CCDC192: variants seen among roughly 807,000 people sequenced by gnomAD.
The protein encoded by CCDC192 is coiled-coil domain-containing protein 192.
chr5:127,914,339 A>C (rs1753457579), intron 6 of CCDC192, among the ~76,000 whole-genome samples: 1 of 152,174 alleles, frequency 6.6e-6, no homozygotes, highest in Non-Finnish European at 1.5e-5. Flanking sequence ...AATATGTTTC[A>C]GAATGTGGAC....
rs1366355554 is a variant in CCDC192, at chr5:127,754,292, A to G, written c.139A>G (p.Met47Val). ...VSKASLDTGQ[M>V]AFTLAQLESL... ...GAAAGCGTCCCTGGATACTGGACAG[A>G]TGGCGTTTACCTTGGCCCAACTTGA... The change falls in exon 3 of 7, where the codon ATG becomes GTG. Residue 47 changes from methionine to valine, a missense_variant. Transcript: ENST00000514853. 2.5e-6 allele frequency: 1 copy of G among 398,628 alleles called. No individual in the cohort carries two copies. The highest frequency in any genetic ancestry group is 4.4e-6 in the Non-Finnish European group (1 of 225,980). The allele number at this position is 398,628 out of a possible 1,614,324, so 24.7% of individuals were successfully genotyped here.
chr5:127,852,024 A>G (rs1384946995), intron 5 of CCDC192, among the ~76,000 whole-genome samples: 1 of 152,238 alleles, frequency 6.6e-6, no homozygotes, highest in Non-Finnish European at 1.5e-5. Flanking sequence ...AAAATTTAAC[A>G]GTTAAAATTA....
chr5:127,838,184 C>T (rs1750118940), intron 5 of CCDC192, among the ~76,000 whole-genome samples: 1 of 152,170 alleles, frequency 6.6e-6, no homozygotes, highest in African/African-American at 2.4e-5. Context: ...CACTTTGTAG[C>T]CTCTGGGAAA....
intron 2 of CCDC192, among the ~76,000 whole-genome samples, chr5:127,735,552 A>G (rs1486986850): frequency 3.9e-5 from 3 of 76,634 alleles, no homozygotes; most frequent in South Asian, 9.4e-4. Context: ...GATTCTTCCT[A>G]CCCATGAGCA....
chr5:127,853,044 C>G (rs1750870090), intron 5 of CCDC192, among the ~76,000 whole-genome samples: 2 of 152,094 alleles, frequency 1.3e-5, no homozygotes, highest in Admixed American at 6.5e-5. Flanking sequence ...GAGCTGAGAT[C>G]GTGCCACTGC....
rs1733881840 is a variant in CCDC192, at chr5:127,721,241, TAG to T, written c.114+13483_114+13484del. Among the ~76,000 whole-genome samples the T allele has an allele frequency of 2.6e-5, 4 of 152,342 alleles. No homozygotes were observed. The South Asian group carries it at 8.3e-4, about 32-fold the overall frequency. ...GCTCATGCATATGACCATATGCTGT[TAG>T]AACCAGCCAGCGCATATCTTGAATG... is the stretch of plus-strand genomic sequence containing the variant. On this transcript the variant is annotated intron_variant, in intron 2 of 6. Coordinates refer to ENST00000514853, the MANE Select transcript of CCDC192 (RefSeq NM_001317938.2).
intron 6 of CCDC192, among the ~76,000 whole-genome samples, chr5:127,923,889 G>T (rs556920863): frequency 6.6e-5 from 10 of 152,318 alleles, no homozygotes; most frequent in African/African-American, 1.9e-4. Context: ...CAACCACCTT[G>T]CAGATAGAAA....
intron 6 of CCDC192, among the ~76,000 whole-genome samples, chr5:127,890,386 A>T (rs1752699182): frequency 6.7e-6 from 1 of 149,804 alleles, no homozygotes; most frequent in African/African-American, 2.5e-5. Context: ...AAAACCTAAG[A>T]TTGGTGTTTT....
At chr5:127,708,398 A>G (rs1357107965) in intron 2 of CCDC192, among the ~76,000 whole-genome samples, 1 of 152,176 alleles carries the variant, frequency 6.6e-6, no homozygotes, top group Non-Finnish European at 1.5e-5. Context: ...CATTATACCA[A>G]TTCTCTACTT....
At chr5:127,887,966 G>T (rs915413617) in intron 6 of CCDC192, among the ~76,000 whole-genome samples, 1 of 151,848 alleles carries the variant, frequency 6.6e-6, no homozygotes, top group Non-Finnish European at 1.5e-5. Flanking sequence ...GCCTCCCAAA[G>T]TGCTGGGATT....
Position 127,750,255 on chromosome 5 carries a change from C to A in CCDC192, c.115-4013C>A, listed in dbSNP as rs1339135781. On this transcript the variant is annotated intron_variant, in intron 2 of 6. Coordinates refer to ENST00000514853, the MANE Select transcript of CCDC192 (RefSeq NM_001317938.2). ...TGCTTTCTCTTGTGGGCATTTAGTG[C>A]TATAAATTTCCCTCTACACACTGCT... 2.6e-5 allele frequency among the ~76,000 whole-genome samples: 4 copies of A among 152,116 alleles called. No homozygotes were observed. The East Asian group carries it at 7.7e-4, about 29-fold the overall frequency.
chr5:127,850,468 C>T (rs1750744486), intron 5 of CCDC192, among the ~76,000 whole-genome samples: 1 of 152,140 alleles, frequency 6.6e-6, no homozygotes, highest in African/African-American at 2.4e-5. Context: ...TTTGGAACCC[C>T]TTACCTATAA....
At chr5:127,778,327 G>C (rs376815929) in intron 3 of CCDC192, among the ~76,000 whole-genome samples, 1 of 152,124 alleles carries the variant, frequency 6.6e-6, no homozygotes. Context: ...TTTTTATCAT[G>C]GAAGAGTGTT....
At chr5:127,857,143 A>C (rs1053929818) in intron 5 of CCDC192, among the ~76,000 whole-genome samples, 2 of 152,204 alleles carry the variant, frequency 1.3e-5, no homozygotes, top group Admixed American at 1.3e-4. Context: ...CATTCTTCAA[A>C]TAGAGCTACA....
intron 3 of CCDC192, among the ~76,000 whole-genome samples, chr5:127,781,116 C>T (rs537944273): frequency 1.6e-4 from 24 of 152,162 alleles, no homozygotes; most frequent in African/African-American, 5.5e-4. Flanking sequence ...TTTTTGTTTG[C>T]TTTGTCAAAG....
At chr5:127,844,679 C>T (rs961826146) in intron 5 of CCDC192, among the ~76,000 whole-genome samples, 4 of 152,132 alleles carry the variant, frequency 2.6e-5, no homozygotes, top group Non-Finnish European at 4.4e-5. Flanking sequence ...ATTTTGGGGA[C>T]GCAGCAGGAT....
At chr5:127,727,878 T>C (rs981060911) in intron 2 of CCDC192, among the ~76,000 whole-genome samples, 2 of 151,946 alleles carry the variant, frequency 1.3e-5, no homozygotes, top group Admixed American at 6.5e-5. Context: ...AAACACAACA[T>C]GAGAACTTCA....
intron 2 of CCDC192, among the ~76,000 whole-genome samples, chr5:127,721,207 C>A (rs1055528330): frequency 1.3e-5 from 2 of 152,154 alleles, no homozygotes; most frequent in Non-Finnish European, 2.9e-5. Context: ...AGTTTCAGAC[C>A]ATTTCTTTGC....
At chr5:127,758,927 C>A (rs1754760604) in intron 3 of CCDC192, among the ~76,000 whole-genome samples, 1 of 152,140 alleles carries the variant, frequency 6.6e-6, no homozygotes, top group African/African-American at 2.4e-5. Context: ...TCAAGAAAAC[C>A]CATACTTTTG....
Sources: allele counts gnomAD v4.1 joint callset (sites outside exome capture counted in the v4.1 genomes callset), GRCh38; gene constraint gnomAD v4.1.1; transcripts MANE v1.5; gene names NCBI Gene and HGNC (gene_info 2026-07-23, HGNC 2026-07-21).